Variants in SDHA observed in about 807,000 individuals in gnomAD.
SDHA encodes succinate dehydrogenase [ubiquinone] flavoprotein subunit, mitochondrial.
SDHA carries 48 observed loss-of-function variants against 78.4 expected under a neutral mutation model. The observed-to-expected ratio is 0.61, with a 90% confidence interval of 0.49 to 0.78. The LOEUF is 0.78. Among genes scored for constraint, SDHA ranks in the 30% least tolerant of loss-of-function variants. The probability of loss-of-function intolerance (pLI) is 0.00; values close to 1 mark genes in which losing one functional copy is unlikely to be tolerated. For synonymous variants in SDHA, 326 were observed against 353.9 expected (o/e 0.92, Z 0.88); for missense variants, 680 against 892.7 (o/e 0.76, Z 3.04).
chr5:257,918 C>T (rs1443550205), downstream of SDHA, among the ~76,000 whole-genome samples: 1 of 16,074 alleles, frequency 6.2e-5, no homozygotes, highest in African/African-American at 3.6e-4. Context: ...GTGTGAGCTC[C>T]GCCCCCGTTA....
intron 11 of SDHA, chr5:250,713 T>C (rs947092176): frequency 4.9e-6 from 2 of 411,594 alleles, no homozygotes; most frequent in Admixed American, 3.6e-5. Context: ...TCACAGGCAG[T>C]CTGCTTGGAG....
intron 10 of SDHA, among the ~76,000 whole-genome samples, chr5:238,701 A>G (rs923436539): frequency 3.3e-5 from 5 of 152,152 alleles, no homozygotes; most frequent in Non-Finnish European, 7.3e-5. Flanking sequence ...GCTCACGCCT[A>G]TAATCCCACC....
At chr5:254,976 T>C (rs537846522) in intron 14 of SDHA, among the ~76,000 whole-genome samples, 78 of 151,996 alleles carry the variant, frequency 5.1e-4, no homozygotes, top group Admixed American at 2.2e-3. Context: ...GTGCAGCCTT[T>C]AGCATCCCCT....
chr5:235,734 G>T (rs980331365), intron 9 of SDHA: 1 of 352,914 alleles, frequency 2.8e-6, no homozygotes, highest in African/African-American at 2.1e-5. Context: ...TGCTCTCCCT[G>T]CGTAGACGAA....
intron 6 of SDHA, among the ~76,000 whole-genome samples, chr5:230,075 T>A (rs1735296973): frequency 6.6e-6 from 1 of 152,244 alleles, no homozygotes; most frequent in Non-Finnish European, 1.5e-5. Context: ...TTTGCGAAGA[T>A]AGTAGACGTT....
Position 228,846 on chromosome 5 carries a change from A to T in SDHA, c.770+513A>T, listed in dbSNP as rs1284284481. ...ACAGGTTGGGAAGAAATATTTTCCA[A>T]ACCATATGTGTAATAATATCTTACT... On this transcript the variant is annotated intron_variant, in intron 6 of 14. Coordinates refer to ENST00000264932, the MANE Select transcript of SDHA (RefSeq NM_004168.4). Among the ~76,000 whole-genome samples, 2 of 152,214 alleles carry T rather than the reference A, an allele frequency of 1.3e-5. 1 individual carries two copies. The highest frequency in any genetic ancestry group is 3.8e-4 in the East Asian group (2 of 5,206).
At chr5:241,041 C>T (rs540555123) in intron 11 of SDHA, among the ~76,000 whole-genome samples, 14 of 152,140 alleles carry the variant, frequency 9.2e-5, no homozygotes, top group African/African-American at 3.4e-4. Context: ...CTCACCGTAT[C>T]AAGAATATGA....
At position 236,511 on chromosome 5, in the gene SDHA, T is replaced by A; in HGVS notation, c.1344T>A (p.Gly448=). ...AGGCCGCCTGTGCCTCGGTACATGG[T>A]GCCAACCGCCTCGGGGCAAACTCGC... The part of the protein sequence containing the change: ...CGEAACASVH[G]ANRLGANSLL... Residue 448 remains glycine (G), a synonymous_variant, in exon 10 of 15, where the codon GGT becomes GGA. Coordinates refer to ENST00000264932, the MANE Select transcript of SDHA (RefSeq NM_004168.4). 6.2e-7 allele frequency: 1 copy of A among 1,614,046 alleles called. No homozygotes were observed. The highest frequency in any genetic ancestry group is 8.5e-7 in the Non-Finnish European group (1 of 1,179,884).
intron 11 of SDHA, among the ~76,000 whole-genome samples, chr5:243,295 AATGTTGTTGTTTCCAGTCGG>A (rs1399650666): frequency 1.3e-5 from 2 of 152,200 alleles, no homozygotes; most frequent in Non-Finnish European, 2.9e-5. Context: ...ACTGTTAAAG[AATGTTGTTGTTTCCAGTCGG>A]ATGATTCCTA....
At chr5:259,399 G>A (rs1267629860), downstream of SDHA, among the ~76,000 whole-genome samples, 91 of 60,958 alleles carry the variant, frequency 1.5e-3, 1 homozygote, top group Middle Eastern at 0.011. Flanking sequence ...TGTGAGCTCC[G>A]CCTCCCGTCA....
the SDHA span, among the ~76,000 whole-genome samples, chr5:266,892 A>AGACCCGCGCT: frequency 8.6e-5 from 13 of 150,770 alleles, no homozygotes; most frequent in African/African-American, 3.2e-4. Flanking sequence ...TAAAATATTC[A>AGACCCGCGCT]GTCCCGTGCA....
chr5:248,999 GAAT>G (rs1245039391), intron 11 of SDHA: 2 of 390,766 alleles, frequency 5.1e-6, no homozygotes, highest in Non-Finnish European at 9.8e-6. Context: ...ATTTGGGAAA[GAAT>G]AAAAAAGCAT....
At position 240,452 on chromosome 5, in the gene SDHA, G is replaced by A. The variant is rs746453879; in HGVS notation, c.1527G>A (p.Ser509=). 5.8e-5 allele frequency: 94 copies of A among 1,609,182 alleles called. No homozygotes were observed. Among genetic ancestry groups the A allele is most frequent in the Middle Eastern group, 2.2e-4 (1 of 4,448 alleles). The change falls in exon 11 of 15, where the codon TCG becomes TCA. Residue 509 remains serine (S), a synonymous_variant. Coordinates refer to ENST00000264932, the MANE Select transcript of SDHA (RefSeq NM_004168.4). ...TTGCTGATGGAAGCATAAGAACATC[G>A]GAACTGCGACTCAGCATGCAGAAGG... ...LRFADGSIRT[S]ELRLSMQKSM...
In SDHA at chr5:252,815, T is replaced by G. The variant is rs188171053; in HGVS notation, c.1794+1347T>G. Among the ~76,000 whole-genome samples the G allele has an allele frequency of 1.3e-4, 19 of 151,816 alleles. No homozygotes were observed. The East Asian group carries it at 3.7e-3, about 30-fold the overall frequency. On this transcript the variant is annotated intron_variant, in intron 13 of 14. Coordinates refer to ENST00000264932, the MANE Select transcript of SDHA (RefSeq NM_004168.4). ...AACGAGTAAGCCACCGTTTCAGACC[T>G]GCCCTGTGGAGGAAAATGCCAGTTT...
Position 233,457 on chromosome 5 carries a change from A to C in SDHA, c.896-20A>C. 1 of 1,612,548 alleles carries C rather than the reference A, an allele frequency of 6.2e-7. No individual in the cohort carries two copies. Among genetic ancestry groups the C allele is most frequent in the Non-Finnish European group, 8.5e-7 (1 of 1,178,712 alleles). On this transcript the variant is annotated intron_variant, in intron 7 of 14. Transcript: ENST00000264932. ...AGATCTAGCAATTGTTAGGTAATAA[A>C]TATGTGTGGTTTTTTGCAGGCATAT...
downstream of SDHA, among the ~76,000 whole-genome samples, chr5:259,947 CCCG>C (rs1737424833): frequency 2.1e-5 from 1 of 46,712 alleles, no homozygotes; most frequent in Non-Finnish European, 3.8e-5. Flanking sequence ...AGCTCCGCCT[CCCG>C]CCAGAGCATT....
intron 8 of SDHA, 158 bp from the exon 9 acceptor site, chr5:234,986 T>A: frequency 1.3e-6 from 1 of 747,598 alleles, no homozygotes. Context: ...ACACAGTAGC[T>A]GCTTAGAAAA....
At chr5:265,215 A>G in the SDHA span, among the ~76,000 whole-genome samples, 1 of 152,218 alleles carries the variant, frequency 6.6e-6, no homozygotes, top group Non-Finnish European at 1.5e-5. Context: ...TCAAAAAATA[A>G]AAAAAGATTT....
intron 5 of SDHA, chr5:227,832 G>A (rs1370536945): frequency 2.8e-6 from 1 of 355,354 alleles, no homozygotes; most frequent in African/African-American, 2.1e-5. Context: ...GCTCCCATCT[G>A]GGCTGTGACT....
Sources: allele counts gnomAD v4.1 joint callset (sites outside exome capture counted in the v4.1 genomes callset), GRCh38; gene constraint gnomAD v4.1.1; transcripts MANE v1.5; gene names NCBI Gene and HGNC (gene_info 2026-07-23, HGNC 2026-07-21).